ACYP2: variants seen among roughly 807,000 people sequenced by gnomAD.
The protein encoded by ACYP2 is acylphosphatase 2.
Under a neutral mutation model 11.2 loss-of-function variants are expected in ACYP2, and 12 were observed. The ratio of observed to expected loss-of-function variants is 1.08; its 90% CI spans 0.69 to 1.74. The LOEUF (loss-of-function observed/expected upper bound fraction) is 1.74, where lower values mean the gene tolerates loss of function less well. Ranked by LOEUF, ACYP2 falls within the 40% of genes most tolerant of loss-of-function variation. The pLI is 0.00. For missense variants in ACYP2, 134 were observed against 101.9 expected (o/e 1.31, Z -1.35); for synonymous variants, 43 against 32.2 (o/e 1.33, Z -1.13).
chr2:54,244,119 T>G (rs976447640), intron 6 of ACYP2, among the ~76,000 whole-genome samples: 9 of 152,148 alleles, frequency 5.9e-5, no homozygotes. Flanking sequence ...TCAACTTAAT[T>G]TTATTAAAAA....
At chr2:54,122,669 T>A (rs984539406) in intron 4 of ACYP2, among the ~76,000 whole-genome samples, 3 of 152,220 alleles carry the variant, frequency 2.0e-5, no homozygotes, top group African/African-American at 7.2e-5. Flanking sequence ...TGCAGTATGC[T>A]TCATACTAGG....
chr2:54,220,255 C>A (rs1374218613), intron 6 of ACYP2, among the ~76,000 whole-genome samples: 1 of 151,982 alleles, frequency 6.6e-6, no homozygotes, highest in African/African-American at 2.4e-5. Context: ...CATATTTTAT[C>A]ATATTAATAC....
chr2:53,998,850 G>C lies in ACYP2; in HGVS notation c.62+25040G>C, dbSNP rs76584188. Among the ~76,000 whole-genome samples the C allele has an allele frequency of 1.1e-4, 16 of 152,204 alleles. No homozygotes were observed. In the East Asian group the frequency reaches 3.1e-3, roughly 29 times the overall value. Reference sequence around the variant, plus strand: ...AATTTCCCTTCTAATGCAAACTCAAGTAGAGACTGCTGCCCTCCATGCTGA... The same window carrying C: ...AATTTCCCTTCTAATGCAAACTCAACTAGAGACTGCTGCCCTCCATGCTGA... On this transcript the variant is annotated intron_variant, in intron 2 of 6. Coordinates refer to ENST00000607452, the MANE Select transcript of ACYP2 (RefSeq NM_001320586.2).
chr2:54,118,664 A>G (rs1679957902), intron 4 of ACYP2, among the ~76,000 whole-genome samples: 1 of 152,254 alleles, frequency 6.6e-6, no homozygotes, highest in South Asian at 2.1e-4. Flanking sequence ...ACGGTATATA[A>G]TCAATTTGGA....
intron 6 of ACYP2, among the ~76,000 whole-genome samples, chr2:54,204,710 T>C (rs1187406319): frequency 6.6e-6 from 1 of 152,196 alleles, no homozygotes; most frequent in African/African-American, 2.4e-5. Flanking sequence ...TCTAAAAAAC[T>C]CAATTCTTTC....
At chr2:54,092,011 G>A (rs1678261673) in intron 4 of ACYP2, among the ~76,000 whole-genome samples, 1 of 152,114 alleles carries the variant, frequency 6.6e-6, no homozygotes, top group African/African-American at 2.4e-5. Context: ...GAGTGAGGCT[G>A]ATTTAAAAGC....
chr2:54,242,329 T>C (rs993037739), intron 6 of ACYP2, among the ~76,000 whole-genome samples: 3 of 152,230 alleles, frequency 2.0e-5, no homozygotes, highest in Non-Finnish European at 4.4e-5. Flanking sequence ...TGAGATGACT[T>C]TGCTCATCAT....
At chr2:54,178,883 C>A (rs1013335170) in intron 6 of ACYP2, among the ~76,000 whole-genome samples, 9 of 152,252 alleles carry the variant, frequency 5.9e-5, no homozygotes, top group African/African-American at 2.2e-4. Context: ...TTTGTGAGAT[C>A]TTGTCTTAGT....
intron 4 of ACYP2, among the ~76,000 whole-genome samples, chr2:54,078,592 CA>C (rs1462037466): frequency 5.5e-4 from 79 of 143,542 alleles, no homozygotes; most frequent in Non-Finnish European, 1.1e-3. Flanking sequence ...TCACTTAAGA[CA>C]TCTCAATAAG....
Position 53,973,796 on chromosome 2 carries a change from C to T in ACYP2, c.48C>T (p.Arg16=), listed in dbSNP as rs550782540. ...TTGGTGGTCTCTTCCCACGGACGCG[C>T]GAGACAATGAGGAGGTACTTGGAAT... Residue 16 remains arginine, a synonymous_variant, in exon 2 of 7, where the codon CGC becomes CGT. Coordinates refer to ENST00000607452, the MANE Select transcript of ACYP2 (RefSeq NM_001320586.2). The T allele has an allele frequency of 3.7e-5, 12 of 321,974 alleles. No individual in the cohort carries two copies. Among genetic ancestry groups the T allele is most frequent in the South Asian group, 1.5e-4 (1 of 6,866 alleles). 19.9% of individuals were successfully genotyped at this position (321,974 alleles called of 1,614,324 possible).
chr2:54,165,515 ACTCTCTCTCT>A lies in ACYP2; in HGVS notation c.404+26779_404+26788del, dbSNP rs10575339. ...GTCTCTCTCTGTCTCTCTCTCTTTC[ACTCTCTCTCT>A]CTCTCTCTCTCACACACACACACAC... On this transcript the variant is annotated intron_variant, in intron 6 of 6. Coordinates refer to ENST00000607452, the MANE Select transcript of ACYP2 (RefSeq NM_001320586.2). Among the ~76,000 whole-genome samples the A allele has an allele frequency of 6.1e-4, 80 of 131,368 alleles. 1 individual carries two copies. Among genetic ancestry groups the A allele is most frequent in the African/African-American group, 2.1e-3 (74 of 35,336 alleles). 86.2% of individuals were successfully genotyped at this position (131,368 alleles called of 152,430 possible).
intron 4 of ACYP2, among the ~76,000 whole-genome samples, chr2:54,124,671 G>C (rs1372647569): frequency 6.6e-6 from 1 of 152,060 alleles, no homozygotes; most frequent in African/African-American, 2.4e-5. Context: ...TGTGTGTATT[G>C]TTACCATTCA....
At chr2:54,273,442 G>T (rs1688405064) in intron 6 of ACYP2, among the ~76,000 whole-genome samples, 1 of 152,100 alleles carries the variant, frequency 6.6e-6, no homozygotes. Context: ...TCTCATTGAA[G>T]TCATTAGTTA....
At chr2:54,227,060 T>C (rs1406851632) in intron 6 of ACYP2, among the ~76,000 whole-genome samples, 1 of 152,150 alleles carries the variant, frequency 6.6e-6, no homozygotes, top group African/African-American at 2.4e-5. Context: ...CTGCAAGCCA[T>C]TGGGTACAAA....
chr2:54,283,510 A>G (rs2104122435), intron 6 of ACYP2, among the ~76,000 whole-genome samples: 1 of 152,310 alleles, frequency 6.6e-6, no homozygotes, highest in South Asian at 2.1e-4. Context: ...TATTAAACCC[A>G]TTTTACTCAG....
At chr2:54,186,615 G>A (rs1684012098) in intron 6 of ACYP2, among the ~76,000 whole-genome samples, 1 of 152,112 alleles carries the variant, frequency 6.6e-6, no homozygotes, top group Admixed American at 6.6e-5. Flanking sequence ...CCAGGTTCAA[G>A]TGATTCTTCT....
rs1279433406 is a variant in ACYP2, at chr2:54,305,286, CA to C, written c.*487del. The stretch of plus-strand genomic sequence containing the variant: ...CAATATAACCATAAAATATTATCAA[CA>C]AAGAGTTTTAAAATTCTGGTTAATG... On this transcript the variant is annotated 3_prime_UTR_variant, in exon 7 of 7. Coordinates refer to ENST00000607452, the MANE Select transcript of ACYP2 (RefSeq NM_001320586.2). The C allele has an allele frequency of 6.6e-6, 1 of 152,280 alleles. No homozygotes were observed. Among genetic ancestry groups the C allele is most frequent in the Non-Finnish European group, 1.5e-5 (1 of 68,164 alleles). 9.4% of individuals were successfully genotyped at this position (152,280 alleles called of 1,614,324 possible). A position where few individuals can be genotyped will look rare whatever the true frequency, so the allele number is the denominator to read the frequency against.
At chr2:54,001,608 G>C (rs1024516655) in intron 2 of ACYP2, among the ~76,000 whole-genome samples, 2 of 152,096 alleles carry the variant, frequency 1.3e-5, no homozygotes, top group Non-Finnish European at 2.9e-5. Flanking sequence ...TGGCTTCACT[G>C]GTCTCGAACT....
chr2:54,214,793 A>G (rs1163528658), intron 6 of ACYP2, among the ~76,000 whole-genome samples: 4 of 152,168 alleles, frequency 2.6e-5, no homozygotes, highest in Non-Finnish European at 1.5e-5. Context: ...GAAAAATGTC[A>G]TTGGTAGTTT....
Sources: allele counts gnomAD v4.1 joint callset (sites outside exome capture counted in the v4.1 genomes callset), GRCh38; gene constraint gnomAD v4.1.1; transcripts MANE v1.5; gene names NCBI Gene and HGNC (gene_info 2026-07-23, HGNC 2026-07-21).